DYNAP: variants seen among roughly 807,000 people sequenced by gnomAD.
DYNAP encodes dynactin associated protein, also known as dynactin-associated protein.
Under a neutral mutation model 8.5 loss-of-function variants are expected in DYNAP, and 7 were observed. The ratio of observed to expected loss-of-function variants is 0.82; its 90% confidence interval spans 0.47 to 1.54. The LOEUF is 1.54. DYNAP is among the 40% of genes most tolerant of loss of function. The pLI is 0.01. For synonymous variants in DYNAP, 77 were observed against 77.9 expected, an observed-to-expected ratio of 0.99 and a Z score of 0.06; for missense variants, 256 against 224.3, an observed-to-expected ratio of 1.14 and a Z score of -0.90.
the DYNAP span, among the ~76,000 whole-genome samples, chr18:54,577,456 C>CT: frequency 6.6e-6 from 1 of 151,982 alleles, no homozygotes; most frequent in East Asian, 1.9e-4. Context: ...TGGCACACGC[C>CT]TGTGGTCCCA....
the DYNAP span, among the ~76,000 whole-genome samples, chr18:54,579,095 G>C: frequency 6.6e-6 from 1 of 152,014 alleles, no homozygotes; most frequent in African/African-American, 2.4e-5. Context: ...CACCGCGCCC[G>C]GCCAGAAAAG....
chr18:54,589,666 T>A (rs1276061337), upstream of DYNAP, among the ~76,000 whole-genome samples: 2 of 152,186 alleles, frequency 1.3e-5, no homozygotes, highest in Non-Finnish European at 2.9e-5. Context: ...TCTTCCACTC[T>A]TTATGCCATT....
At chr18:54,593,419 AG>A (rs1367534262) in intron 1 of DYNAP, among the ~76,000 whole-genome samples, 1 of 152,132 alleles carries the variant, frequency 6.6e-6, no homozygotes, top group Non-Finnish European at 1.5e-5. Context: ...ACACATATTC[AG>A]TGGGTATTAT....
chr18:54,597,207 G>A (rs1313367122), intron 2 of DYNAP, among the ~76,000 whole-genome samples: 1 of 151,868 alleles, frequency 6.6e-6, no homozygotes, highest in African/African-American at 2.4e-5. Flanking sequence ...AACAATATGA[G>A]ATGTTGTTCT....
the DYNAP span, among the ~76,000 whole-genome samples, chr18:54,576,309 G>T: frequency 6.6e-6 from 1 of 152,144 alleles, no homozygotes. Flanking sequence ...AGCCTTCATA[G>T]AAACTGCCAA....
At chr18:54,575,701 A>G in the DYNAP span, among the ~76,000 whole-genome samples, 1 of 151,968 alleles carries the variant, frequency 6.6e-6, no homozygotes, top group African/African-American at 2.4e-5. Context: ...AGACTTCCAA[A>G]GCACTGGGAT....
chr18:54,578,850 A>G, the DYNAP span, among the ~76,000 whole-genome samples: 1 of 152,010 alleles, frequency 6.6e-6, no homozygotes, highest in Non-Finnish European at 1.5e-5. Flanking sequence ...TCCAGGCTGG[A>G]GTGCAGTGGC....
intron 1 of DYNAP, 117 bp from the exon 2 acceptor site, chr18:54,594,822 A>G (rs950115223): frequency 8.8e-7 from 1 of 1,133,704 alleles, no homozygotes; most frequent in Non-Finnish European, 1.2e-6. Flanking sequence ...GGATAAGAAA[A>G]CATTTATTCC....
upstream of DYNAP, among the ~76,000 whole-genome samples, chr18:54,586,471 T>A (rs149766100): frequency 1.8e-3 from 268 of 152,292 alleles, 3 homozygotes; most frequent in African/African-American, 5.7e-3. Context: ...GCTGGTCTAA[T>A]TCCAGGTGGC....
At chr18:54,577,659 G>GAAAAGAAA in the DYNAP span, among the ~76,000 whole-genome samples, 1 of 128,740 alleles carries the variant, frequency 7.8e-6, no homozygotes, top group Non-Finnish European at 1.7e-5. Context: ...CAAAAGAAAA[G>GAAAAGAAA]AAAAGAAAAC....
chr18:54,598,288 T>A lies in DYNAP; in HGVS notation c.*143T>A. 1 of 832,234 alleles carries A rather than the reference T, an allele frequency of 1.2e-6. No homozygotes were observed. The highest frequency in any genetic ancestry group is 2.3e-5 in the South Asian group (1 of 43,736). The allele number at this position is 832,234 out of a possible 1,614,324, so 51.6% of individuals were successfully genotyped here. Reference sequence around the variant, plus strand: ...TAACAGACTCTATAACCGTTACAACTTCAACAAAATCAAGTCCTACTTCAA... The same window carrying A: ...TAACAGACTCTATAACCGTTACAACATCAACAAAATCAAGTCCTACTTCAA... On this transcript the variant is annotated 3_prime_UTR_variant, in exon 3 of 3. Transcript: ENST00000648945.
chr18:54,598,344 C>T lies in DYNAP; in HGVS notation c.*199C>T. The T allele has an allele frequency of 1.8e-6, 1 of 562,070 alleles. No individual in the cohort carries two copies. The highest frequency in any genetic ancestry group is 2.8e-5 in the East Asian group (1 of 35,214). 34.8% of individuals were successfully genotyped at this position (562,070 alleles called of 1,614,324 possible). A position where few individuals can be genotyped will look rare whatever the true frequency, so the allele number is the denominator to read the frequency against. ...ACTTACTTGACAACTCAAATAATCA[C>T]CACTTCGACCATCTCTTTGACTGAA... is the stretch of plus-strand genomic sequence containing the variant. On this transcript the variant is annotated 3_prime_UTR_variant, in exon 3 of 3. Transcript: ENST00000648945.
At chr18:54,583,667 A>T (rs137867714), upstream of DYNAP, among the ~76,000 whole-genome samples, 1,664 of 152,218 alleles carry the variant, frequency 0.011, 30 homozygotes, top group African/African-American at 0.038. Context: ...ATAACAATAA[A>T]ATTATACACT....
chr18:54,593,792 C>T (rs2144888830), intron 1 of DYNAP, among the ~76,000 whole-genome samples: 1 of 152,066 alleles, frequency 6.6e-6, no homozygotes, highest in African/African-American at 2.4e-5. Context: ...ATTAGATGAG[C>T]ATGAAGGCAT....
At chr18:54,591,740 GA>G (rs1911084723) in intron 1 of DYNAP, among the ~76,000 whole-genome samples, 1 of 151,948 alleles carries the variant, frequency 6.6e-6, no homozygotes, top group Non-Finnish European at 1.5e-5. Flanking sequence ...TTAATATGCT[GA>G]AAAACCAGAT....
At chr18:54,580,691 T>A in the DYNAP span, among the ~76,000 whole-genome samples, 1 of 152,320 alleles carries the variant, frequency 6.6e-6, no homozygotes, top group East Asian at 1.9e-4. Context: ...TAAATTTGAA[T>A]CTACAATGCT....
At chr18:54,593,027 A>G (rs531612670) in intron 1 of DYNAP, among the ~76,000 whole-genome samples, 5 of 152,218 alleles carry the variant, frequency 3.3e-5, no homozygotes, top group African/African-American at 1.2e-4. Context: ...ATTAACAAAG[A>G]TAAATTCAAC....
At chr18:54,585,615 A>T (rs1173190949), upstream of DYNAP, among the ~76,000 whole-genome samples, 3 of 152,148 alleles carry the variant, frequency 2.0e-5, no homozygotes, top group East Asian at 5.8e-4. Context: ...TCCCTCAAAG[A>T]TCACTTCCTT....
chr18:54,591,834 C>T (rs1911089207), intron 1 of DYNAP, among the ~76,000 whole-genome samples: 1 of 151,982 alleles, frequency 6.6e-6, no homozygotes, highest in African/African-American at 2.4e-5. Context: ...ATTTTGTCTG[C>T]TTTTTAAAAA....
Sources: allele counts gnomAD v4.1 joint callset (sites outside exome capture counted in the v4.1 genomes callset), GRCh38; gene constraint gnomAD v4.1.1; transcripts MANE v1.5; gene names NCBI Gene and HGNC (gene_info 2026-07-23, HGNC 2026-07-21).